PPFIA2: variants seen among roughly 807,000 people sequenced by gnomAD.
PPFIA2 encodes PPFI scaffold protein A2.
A neutral mutation model predicts 175.5 loss-of-function variants in PPFIA2; 46 were observed. That is an observed-to-expected ratio of 0.26 (90% CI 0.21 to 0.34). The LOEUF (loss-of-function observed/expected upper bound fraction) is 0.34, where lower values mean the gene tolerates loss of function less well. Among genes scored for constraint, PPFIA2 ranks in the 10% least tolerant of loss-of-function variants. The pLI, the probability that PPFIA2 is intolerant of heterozygous loss-of-function variation, is 1.00. For missense variants in PPFIA2, 1,179 were observed against 1,506.1 expected, an observed-to-expected ratio of 0.78 and a Z score of 3.60; for synonymous variants, 568 against 511.4, an observed-to-expected ratio of 1.11 and a Z score of -1.49.
At chr12:81,565,974 T>C (rs7956362) in intron 4 of PPFIA2, among the ~76,000 whole-genome samples, 41,174 of 152,016 alleles carry the variant, frequency 0.27, 5,749 homozygotes, top group Middle Eastern at 0.32. Flanking sequence ...GTCACATATG[T>C]ATATTTACAG....
chr12:81,487,567 G>A (rs1003991421), intron 4 of PPFIA2, among the ~76,000 whole-genome samples: 8 of 151,602 alleles, frequency 5.3e-5, no homozygotes, highest in African/African-American at 1.7e-4. Context: ...GCGATTCTAG[G>A]AGTAAGCTGT....
At chr12:81,406,618 A>G (rs2042984822) in intron 7 of PPFIA2, among the ~76,000 whole-genome samples, 1 of 151,336 alleles carries the variant, frequency 6.6e-6, no homozygotes, top group South Asian at 2.1e-4. Flanking sequence ...AATAGAGTGA[A>G]AAATAGTATT....
At chr12:81,753,258 T>C (rs1022967209) in intron 3 of PPFIA2, among the ~76,000 whole-genome samples, 4 of 152,098 alleles carry the variant, frequency 2.6e-5, no homozygotes, top group Non-Finnish European at 5.9e-5. Flanking sequence ...AACAAGTAAA[T>C]TGACTTTCAT....
chr12:81,363,280 T>C (rs187199638), intron 14 of PPFIA2, among the ~76,000 whole-genome samples: 128 of 151,246 alleles, frequency 8.5e-4, no homozygotes, highest in Non-Finnish European at 1.6e-3. Context: ...TTAAAAAATA[T>C]TAATTAATTA....
intron 7 of PPFIA2, among the ~76,000 whole-genome samples, chr12:81,431,890 C>T (rs1053457749): frequency 2.0e-5 from 3 of 152,118 alleles, no homozygotes; most frequent in Admixed American, 2.0e-4. Context: ...CTGTCACCTC[C>T]TCCCCAATCC....
intron 4 of PPFIA2, among the ~76,000 whole-genome samples, chr12:81,539,880 T>C (rs1410386050): frequency 6.6e-6 from 1 of 152,036 alleles, no homozygotes; most frequent in African/African-American, 2.4e-5. Flanking sequence ...GTGTGATTGC[T>C]TAGAATAAGT....
At position 81,390,646 on chromosome 12, in the gene PPFIA2, C is replaced by A. The variant is rs138217978; in HGVS notation, c.763-6402G>T. ...TACATGTATTTTTATTGTTGATTTA[C>A]ATGAATTTTTTACATATATTTTGAT... On this transcript the variant is annotated intron_variant, in intron 8 of 32. Coordinates refer to ENST00000549396, the MANE Select transcript of PPFIA2 (RefSeq NM_003625.5). 4.9e-3 allele frequency among the ~76,000 whole-genome samples: 747 copies of A among 152,008 alleles called. 3 individuals carry two copies. The highest frequency in any genetic ancestry group is 0.023 in the South Asian group (111 of 4,826).
chr12:81,586,220 C>T (rs935943958), intron 4 of PPFIA2, among the ~76,000 whole-genome samples: 1 of 151,906 alleles, frequency 6.6e-6, no homozygotes, highest in African/African-American at 2.4e-5. Flanking sequence ...AAAATAATTA[C>T]AATCAAGAAT....
At chr12:81,751,552 C>T (rs1300031031) in intron 3 of PPFIA2, among the ~76,000 whole-genome samples, 2 of 151,512 alleles carry the variant, frequency 1.3e-5, no homozygotes, top group Admixed American at 6.6e-5. Context: ...CACACACACA[C>T]ACACACACAC....
chr12:81,381,796 T>TTTTTG lies in PPFIA2; in HGVS notation c.984+2222_984+2226dup, dbSNP rs199669337. On this transcript the variant is annotated intron_variant, in intron 9 of 32. Coordinates refer to ENST00000549396, the MANE Select transcript of PPFIA2 (RefSeq NM_003625.5). Reference sequence around the variant, plus strand: ...CACTTCATGGTTCATCTATCTCTTTTTTTTGTTTTGTTTTGTTTTGTTTTG... The same window carrying TTTTTG: ...CACTTCATGGTTCATCTATCTCTTTTTTTTGTTTTGTTTTGTTTTGTTTTGTTTTG... 2.7e-3 allele frequency among the ~76,000 whole-genome samples: 413 copies of TTTTTG among 152,280 alleles called. 3 individuals carry two copies. The East Asian group carries it at 0.027, about 10-fold the overall frequency.
chr12:81,638,214 A>G (rs866880064), intron 4 of PPFIA2, among the ~76,000 whole-genome samples: 3 of 152,074 alleles, frequency 2.0e-5, no homozygotes, highest in African/African-American at 7.2e-5. Flanking sequence ...TTCAGCATCA[A>G]TTCTTATCAC....
intron 17 of PPFIA2, 54 bp from the exon 18 acceptor site, chr12:81,347,824 T>C: frequency 6.3e-7 from 1 of 1,587,778 alleles, no homozygotes; most frequent in Non-Finnish European, 8.5e-7. Context: ...GGATCCATTA[T>C]ATGCTGCTGT....
At chr12:81,402,999 T>A (rs1190908015) in intron 8 of PPFIA2, among the ~76,000 whole-genome samples, 1 of 152,198 alleles carries the variant, frequency 6.6e-6, no homozygotes, top group Non-Finnish European at 1.5e-5. Context: ...TGATACATTA[T>A]ACACATTTTA....
intron 3 of PPFIA2, among the ~76,000 whole-genome samples, chr12:81,690,196 G>A (rs1483279675): frequency 6.6e-6 from 1 of 152,046 alleles, no homozygotes; most frequent in Admixed American, 6.6e-5. Context: ...CAGTGGCTAT[G>A]TAACACAATA....
intron 3 of PPFIA2, among the ~76,000 whole-genome samples, chr12:81,752,375 G>C (rs1235368032): frequency 6.6e-6 from 1 of 152,136 alleles, no homozygotes; most frequent in Non-Finnish European, 1.5e-5. Context: ...GATAGTTCTA[G>C]AAATCACCTT....
intron 3 of PPFIA2, among the ~76,000 whole-genome samples, chr12:81,723,506 G>A (rs933011781): frequency 4.6e-5 from 7 of 151,014 alleles, no homozygotes; most frequent in South Asian, 2.1e-4. Context: ...GGTTTGGGGG[G>A]AAATAAATGA....
intron 4 of PPFIA2, among the ~76,000 whole-genome samples, chr12:81,536,717 C>T (rs1262909361): frequency 3.0e-5 from 4 of 133,670 alleles, no homozygotes; most frequent in African/African-American, 1.1e-4. Context: ...ATGTAATATA[C>T]ATATATACAC....
At chr12:81,553,872 G>C (rs576460470) in intron 4 of PPFIA2, among the ~76,000 whole-genome samples, 2 of 152,056 alleles carry the variant, frequency 1.3e-5, no homozygotes, top group Non-Finnish European at 2.9e-5. Flanking sequence ...GATATAAAGT[G>C]TCTGTTTTGA....
At chr12:81,382,808 A>G (rs980801324) in intron 9 of PPFIA2, among the ~76,000 whole-genome samples, 1 of 152,160 alleles carries the variant, frequency 6.6e-6, no homozygotes. Flanking sequence ...AAGAAGGACA[A>G]GTTGGAGATA....
Sources: gnomAD v4.1 joint callset for allele counts (sites outside exome capture counted in the v4.1 genomes callset) on GRCh38, gnomAD v4.1.1 for gene constraint, MANE v1.5 for transcripts, NCBI Gene and HGNC (gene_info 2026-07-23, HGNC 2026-07-21) for gene names.